KLHL32: variants seen among roughly 807,000 people sequenced by gnomAD.
KLHL32 encodes kelch like family member 32.
Under a neutral mutation model 64.8 loss-of-function variants are expected in KLHL32, and 35 were observed. The observed-to-expected ratio is 0.54, with a 90% CI of 0.41 to 0.72. The LOEUF (loss-of-function observed/expected upper bound fraction) is 0.72, where lower values mean the gene tolerates loss of function less well. Ranked by LOEUF, KLHL32 falls within the 30% of genes least tolerant of loss-of-function variation. The probability of loss-of-function intolerance (pLI) is 0.00; values close to 1 mark genes in which losing one functional copy is unlikely to be tolerated. For missense variants in KLHL32, 589 were observed against 768.5 expected (o/e 0.77, Z 2.76); for synonymous variants, 259 against 281.0 (o/e 0.92, Z 0.78).
At chr6:96,994,657 A>AT in intron 3 of KLHL32, 1 of 979,162 alleles carries the variant, frequency 1.0e-6, no homozygotes. Flanking sequence ...TTAATGAATG[A>AT]TTAGTTGCGT....
chr6:96,928,984 TA>T (rs1769510925), intron 1 of KLHL32, among the ~76,000 whole-genome samples: 1 of 152,190 alleles, frequency 6.6e-6, no homozygotes, highest in Non-Finnish European at 1.5e-5. Context: ...TGGTGACAGA[TA>T]AATGTACTAT....
chr6:96,956,114 C>T (rs1773231688), intron 1 of KLHL32, among the ~76,000 whole-genome samples: 1 of 152,114 alleles, frequency 6.6e-6, no homozygotes, highest in Non-Finnish European at 1.5e-5. Context: ...TGGGAATCTC[C>T]CCTTTTTAAA....
chr6:97,128,779 G>A lies in KLHL32; in HGVS notation c.1413+1317G>A, dbSNP rs566455563. ...CTCTCTGTTTCTTTGCCTTTGCAGCGGTTGGTGGCTCACCTGGCAGGCACT... is the reference window on the plus strand; with the variant it reads ...CTCTCTGTTTCTTTGCCTTTGCAGCAGTTGGTGGCTCACCTGGCAGGCACT... On this transcript the variant is annotated intron_variant, in intron 8 of 10. Coordinates refer to ENST00000369261, the MANE Select transcript of KLHL32 (RefSeq NM_052904.4). 1.4e-3 allele frequency among the ~76,000 whole-genome samples: 218 copies of A among 152,314 alleles called. 9 individuals carry two copies. In the South Asian group the frequency reaches 0.042, roughly 29 times the overall value.
intron 1 of KLHL32, among the ~76,000 whole-genome samples, chr6:96,965,901 T>A (rs912928366): frequency 3.3e-5 from 5 of 152,182 alleles, no homozygotes; most frequent in African/African-American, 9.7e-5. Context: ...AATATAGTTG[T>A]GTGAAAAATG....
At chr6:96,918,302 G>C in the KLHL32 span, among the ~76,000 whole-genome samples, 1 of 152,196 alleles carries the variant, frequency 6.6e-6, no homozygotes, top group East Asian at 1.9e-4. Flanking sequence ...AGGGATGCTA[G>C]TTTCTGTTAA....
intron 1 of KLHL32, among the ~76,000 whole-genome samples, chr6:96,934,821 A>G (rs1345160718): frequency 2.0e-5 from 3 of 152,220 alleles, no homozygotes; most frequent in Non-Finnish European, 4.4e-5. Context: ...CAACTGGAGA[A>G]TGCCATTTCC....
chr6:97,067,088 G>A (rs1789898369), intron 5 of KLHL32, among the ~76,000 whole-genome samples: 1 of 152,188 alleles, frequency 6.6e-6, no homozygotes, highest in African/African-American at 2.4e-5. Context: ...GAGGAGTGAA[G>A]GGCAGACCGG....
intron 3 of KLHL32, among the ~76,000 whole-genome samples, chr6:96,990,953 T>C (rs12215529): frequency 0.083 from 12,583 of 151,422 alleles, 735 homozygotes; most frequent in Middle Eastern, 0.16. Context: ...CTTTCGGTTT[T>C]GTCTAGGAGC....
chr6:97,011,021 G>A (rs949453621), intron 3 of KLHL32, among the ~76,000 whole-genome samples: 3 of 152,136 alleles, frequency 2.0e-5, no homozygotes, highest in Non-Finnish European at 4.4e-5. Flanking sequence ...TCAGAAGAAG[G>A]TTCTATTTCT....
intron 6 of KLHL32, among the ~76,000 whole-genome samples, chr6:97,096,707 A>C (rs751961161): frequency 5.2e-4 from 79 of 152,246 alleles, no homozygotes; most frequent in Non-Finnish European, 9.8e-4. Flanking sequence ...GTTCTTAAGC[A>C]AAAACAACTC....
chr6:97,011,776 A>G (rs926614582), intron 3 of KLHL32, among the ~76,000 whole-genome samples: 5 of 152,248 alleles, frequency 3.3e-5, no homozygotes, highest in South Asian at 2.1e-4. Context: ...AGGATAGGCC[A>G]GAAAATGAAT....
intron 3 of KLHL32, among the ~76,000 whole-genome samples, chr6:96,986,830 G>A (rs1777156799): frequency 6.6e-6 from 1 of 152,058 alleles, no homozygotes; most frequent in South Asian, 2.1e-4. Context: ...TGGGTGAGAC[G>A]ATGCCTCGCC....
chr6:97,066,035 G>A (rs117157308), intron 5 of KLHL32, among the ~76,000 whole-genome samples: 1,733 of 152,142 alleles, frequency 0.011, 30 homozygotes, highest in East Asian at 0.043. Flanking sequence ...TTGTTACGTG[G>A]TATAGGAAAG....
intron 8 of KLHL32, among the ~76,000 whole-genome samples, chr6:97,130,507 T>A (rs1027399921): frequency 1.3e-5 from 2 of 152,198 alleles, no homozygotes; most frequent in African/African-American, 4.8e-5. Flanking sequence ...CAAAATGCAC[T>A]ATAAAATGCA....
intron 4 of KLHL32, among the ~76,000 whole-genome samples, chr6:97,046,893 A>T (rs1455681794): frequency 6.6e-6 from 1 of 152,262 alleles, no homozygotes; most frequent in East Asian, 1.9e-4. Flanking sequence ...GTAAAAATTC[A>T]GGGTTAACAT....
chr6:96,909,381 G>A, the KLHL32 span, among the ~76,000 whole-genome samples: 2 of 152,146 alleles, frequency 1.3e-5, no homozygotes, highest in Non-Finnish European at 2.9e-5. Context: ...TCTGTCTTGG[G>A]ACCCAGTTTT....
At chr6:97,105,370 G>T in intron 6 of KLHL32, 1 of 462,006 alleles carries the variant, frequency 2.2e-6, no homozygotes, top group Non-Finnish European at 4.5e-6. Context: ...ATGCCCTGCT[G>T]TTTGATGGAG....
At chr6:96,934,872 G>A (rs1468933627) in intron 1 of KLHL32, among the ~76,000 whole-genome samples, 1 of 152,204 alleles carries the variant, frequency 6.6e-6, no homozygotes, top group South Asian at 2.1e-4. Flanking sequence ...TAACAGGTTA[G>A]TAGTGAACTG....
intron 2 of KLHL32, among the ~76,000 whole-genome samples, chr6:96,971,541 A>C (rs1256239176): frequency 6.6e-6 from 1 of 152,128 alleles, no homozygotes; most frequent in Non-Finnish European, 1.5e-5. Context: ...TTATTTCCCC[A>C]TTACTAGATA....
Sources: gnomAD v4.1 joint callset for allele counts (sites outside exome capture counted in the v4.1 genomes callset) on GRCh38, gnomAD v4.1.1 for gene constraint, MANE v1.5 for transcripts, NCBI Gene and HGNC (gene_info 2026-07-23, HGNC 2026-07-21) for gene names.